WDR25: variants seen among roughly 807,000 people sequenced by gnomAD.
The protein encoded by WDR25 is WD repeat domain 25.
Under a neutral mutation model 47.7 loss-of-function variants are expected in WDR25, and 35 were observed. The ratio of observed to expected loss-of-function variants is 0.73; its 90% CI spans 0.56 to 0.97. The LOEUF (loss-of-function observed/expected upper bound fraction) is 0.97. WDR25 is among the 50% of genes least tolerant of loss of function. WDR25 has a pLI of 0.00. For missense variants in WDR25, 634 were observed against 704.7 expected (o/e 0.90, Z 1.14); for synonymous variants, 248 against 278.9 (o/e 0.89, Z 1.10).
At chr14:100,411,079 G>A (rs767194495) in intron 2 of WDR25, among the ~76,000 whole-genome samples, 16 of 152,064 alleles carry the variant, frequency 1.1e-4, no homozygotes, top group Admixed American at 2.0e-4. Context: ...CACCCTGCCT[G>A]GCAAAGCAGA....
At chr14:100,485,222 G>A (rs1414918064) in intron 4 of WDR25, among the ~76,000 whole-genome samples, 1 of 151,950 alleles carries the variant, frequency 6.6e-6, no homozygotes, top group African/African-American at 2.4e-5. Flanking sequence ...ATTACCTCTC[G>A]GTGAGGTGCC....
intron 2 of WDR25, among the ~76,000 whole-genome samples, chr14:100,421,412 A>G (rs932469954): frequency 4.6e-5 from 7 of 152,234 alleles, no homozygotes; most frequent in Non-Finnish European, 1.0e-4. Flanking sequence ...GGAAGCTCAC[A>G]GAAGAGGGGA....
intron 2 of WDR25, among the ~76,000 whole-genome samples, chr14:100,397,186 C>T (rs1439990923): frequency 6.6e-6 from 1 of 152,160 alleles, no homozygotes; most frequent in East Asian, 1.9e-4. Context: ...TTGTCTCCAG[C>T]AATGCTGTTG....
At position 100,470,754 on chromosome 14, in the gene WDR25, G is replaced by A. The variant is rs1376055074; in HGVS notation, c.970+2586G>A. ...AGGTAGAATGCCTTGCCTGGTTGGT[G>A]ATAGGACTGCGTTTGGAGAACAGCT... On this transcript the variant is annotated intron_variant, in intron 3 of 6. Coordinates refer to ENST00000402312, the MANE Select transcript of WDR25 (RefSeq NM_001161476.3). Among the ~76,000 whole-genome samples the A allele has an allele frequency of 2.6e-5, 4 of 152,186 alleles. No homozygotes were observed. The East Asian group carries it at 7.7e-4, about 29-fold the overall frequency.
chr14:100,500,895 A>T lies in WDR25; in HGVS notation c.1101+16771A>T, dbSNP rs1404898893. ...AGGATCAACACACAAATACATGTGT[A>T]ATTGTCTATTTCTGCTTTTCTTCCT... On this transcript the variant is annotated intron_variant, in intron 4 of 6. Coordinates refer to ENST00000402312, the MANE Select transcript of WDR25 (RefSeq NM_001161476.3). The surrounding 1 kb of genome is among the most constrained non-coding windows in gnomAD (Gnocchi z 4.7). Among the ~76,000 whole-genome samples the T allele has an allele frequency of 6.7e-6, 1 of 148,804 alleles. No homozygotes were observed. The highest frequency in any genetic ancestry group is 1.9e-4 in the East Asian group (1 of 5,200).
Position 100,468,276 on chromosome 14 carries a change from G to T in WDR25, c.970+108G>T. Reference sequence around the variant, plus strand: ...GCTGTATACGCTTGCGTGGCAGAGGGAGAGGGGCCTCAGGGTGGGCTCGTG... The same window carrying T: ...GCTGTATACGCTTGCGTGGCAGAGGTAGAGGGGCCTCAGGGTGGGCTCGTG... On this transcript the variant is annotated intron_variant, in intron 3 of 6. Transcript: ENST00000402312. This position sits in a 1 kb window ranked among gnomAD's most constrained non-coding sequence, Gnocchi z 4.5. 6.8e-7 allele frequency: 1 copy of T among 1,475,022 alleles called. No individual in the cohort carries two copies. 91.4% of individuals were successfully genotyped at this position (1,475,022 alleles called of 1,614,324 possible).
chr14:100,379,201 A>G (rs1180164675), intron 1 of WDR25, among the ~76,000 whole-genome samples: 1 of 152,030 alleles, frequency 6.6e-6, no homozygotes, highest in Non-Finnish European at 1.5e-5. Context: ...ATTTATCTTC[A>G]TGGATTTATA....
intron 2 of WDR25, among the ~76,000 whole-genome samples, chr14:100,459,794 A>T (rs1277488105): frequency 6.6e-6 from 1 of 150,984 alleles, no homozygotes; most frequent in East Asian, 1.9e-4. Flanking sequence ...GAACTGTGAG[A>T]CAACAAAATT....
At chr14:100,419,305 C>T (rs922223527) in intron 2 of WDR25, among the ~76,000 whole-genome samples, 1 of 152,000 alleles carries the variant, frequency 6.6e-6, no homozygotes, top group African/African-American at 2.4e-5. Context: ...TTCCGCCTAC[C>T]TCTTTCTTCC....
At chr14:100,416,089 A>G (rs1054868300) in intron 2 of WDR25, among the ~76,000 whole-genome samples, 10 of 152,216 alleles carry the variant, frequency 6.6e-5, no homozygotes, top group Admixed American at 2.0e-4. Flanking sequence ...GCCCTCACAG[A>G]GCACGTGTCA....
intron 4 of WDR25, among the ~76,000 whole-genome samples, chr14:100,515,379 C>G (rs1371697957): frequency 6.6e-6 from 1 of 151,834 alleles, no homozygotes; most frequent in Non-Finnish European, 1.5e-5. Context: ...CATTCATATT[C>G]AGGGTTTTTG....
rs776281569 is a variant in WDR25, at chr14:100,380,921, T to A, written c.-4T>A. On this transcript the variant is annotated 5_prime_UTR_variant, in exon 2 of 7. In the 5' UTR this introduces an upstream ATG that the reference lacks. Coordinates refer to ENST00000402312, the MANE Select transcript of WDR25 (RefSeq NM_001161476.3). ...TTGTTTGATCTTAGGTGGTTTGGCT[T>A]TGAATGACAGCAAGAACTCTGTCTT... The A allele has an allele frequency of 6.2e-7, 1 of 1,608,754 alleles. No homozygotes were observed. Among genetic ancestry groups the A allele is most frequent in the South Asian group, 1.1e-5 (1 of 90,940 alleles).
intron 2 of WDR25, among the ~76,000 whole-genome samples, chr14:100,433,766 A>G (rs575100866): frequency 1.8e-4 from 28 of 152,322 alleles, no homozygotes; most frequent in Admixed American, 5.9e-4. Context: ...TCATTTGATA[A>G]GAGAAATCTC....
At chr14:100,416,203 TG>T (rs1897863606) in intron 2 of WDR25, among the ~76,000 whole-genome samples, 1 of 152,212 alleles carries the variant, frequency 6.6e-6, no homozygotes, top group Non-Finnish European at 1.5e-5. Flanking sequence ...GGTTTCTCCC[TG>T]TGAAGGGTAT....
At chr14:100,507,927 T>G (rs1901170980) in intron 4 of WDR25, among the ~76,000 whole-genome samples, 1 of 152,110 alleles carries the variant, frequency 6.6e-6, no homozygotes, top group Non-Finnish European at 1.5e-5. Context: ...CTTGCCTGAC[T>G]CATTCTACAA....
chr14:100,475,385 C>T (rs1899983903), intron 3 of WDR25, among the ~76,000 whole-genome samples: 1 of 152,126 alleles, frequency 6.6e-6, no homozygotes, highest in Non-Finnish European at 1.5e-5. Context: ...CCTCGGTGTC[C>T]ATCAGCAGAT....
At chr14:100,471,777 A>T (rs1458864805) in intron 3 of WDR25, among the ~76,000 whole-genome samples, 1 of 152,248 alleles carries the variant, frequency 6.6e-6, no homozygotes, top group Non-Finnish European at 1.5e-5. Context: ...ACGGAGGGCC[A>T]GCACCATTTT....
At chr14:100,518,661 C>G (rs573757995) in intron 4 of WDR25, among the ~76,000 whole-genome samples, 1 of 152,010 alleles carries the variant, frequency 6.6e-6, no homozygotes, top group Non-Finnish European at 1.5e-5. Context: ...GAGGCCAAGG[C>G]GGGCAGATTG....
Position 100,407,323 on chromosome 14 carries a change from C to T in WDR25, c.822+25577C>T, listed in dbSNP as rs1467995570. On this transcript the variant is annotated intron_variant, in intron 2 of 6. Coordinates refer to ENST00000402312, the MANE Select transcript of WDR25 (RefSeq NM_001161476.3). This position sits in a 1 kb window ranked among gnomAD's most constrained non-coding sequence, Gnocchi z 4.1. ...TAACCCCCCTGTTTACTCTCAGGCT[C>T]ACATACCTCTCAGAGTCCAGGAGGC... The T allele has an allele frequency of 6.6e-6, 1 of 152,156 alleles. No individual in the cohort carries two copies. The highest frequency in any genetic ancestry group is 2.4e-5 in the African/African-American group (1 of 41,440). The allele number at this position is 152,156 out of a possible 1,614,324, so 9.4% of individuals were successfully genotyped here. A position where few individuals can be genotyped will look rare whatever the true frequency, so the allele number is the denominator to read the frequency against.
Sources: allele counts gnomAD v4.1 joint callset (sites outside exome capture counted in the v4.1 genomes callset), GRCh38; gene constraint gnomAD v4.1.1; non-coding constraint Gnocchi (gnomAD v3.1); transcripts MANE v1.5; gene names NCBI Gene and HGNC (gene_info 2026-07-23, HGNC 2026-07-21).